Variants in GLT1D1 observed in about 807,000 individuals in gnomAD.
GLT1D1 encodes glycosyltransferase 1 domain-containing protein 1.
A neutral mutation model predicts 28.7 loss-of-function variants in GLT1D1; 21 were observed. That is an observed-to-expected ratio of 0.73 (90% confidence interval 0.52 to 1.05). The LOEUF is 1.05. Ranked by LOEUF, GLT1D1 falls within the 50% of genes least tolerant of loss-of-function variation. GLT1D1 has a pLI of 0.00. For missense variants in GLT1D1, 343 were observed against 330.6 expected, an observed-to-expected ratio of 1.04 and a Z score of -0.29; for synonymous variants, 147 against 124.8, an observed-to-expected ratio of 1.18 and a Z score of -1.19.
At chr12:128,950,333 T>C (rs1001245199) in intron 6 of GLT1D1, among the ~76,000 whole-genome samples, 4 of 152,176 alleles carry the variant, frequency 2.6e-5, no homozygotes, top group African/African-American at 9.7e-5. Context: ...AATCAATTCA[T>C]TGCATCAGAG....
At position 128,983,113 on chromosome 12, in the gene GLT1D1, T is replaced by A; in HGVS notation, c.*23T>A. 1 of 1,608,592 alleles carries A rather than the reference T, an allele frequency of 6.2e-7. No homozygotes were observed. The highest frequency in any genetic ancestry group is 8.5e-7 in the Non-Finnish European group (1 of 1,176,364). ...TGAGGGCCCCGCCTCATCAGACACC[T>A]GCTCTCTGACACACAGCTCTGGGTG... On this transcript the variant is annotated 3_prime_UTR_variant, in exon 8 of 8. Coordinates refer to ENST00000281703, the MANE Select transcript of GLT1D1 (RefSeq NM_144669.3). The surrounding 1 kb of genome is among the most constrained non-coding windows in gnomAD (Gnocchi z 4.7).
chr12:128,952,160 G>A (rs1184454504), intron 6 of GLT1D1, among the ~76,000 whole-genome samples: 1 of 152,052 alleles, frequency 6.6e-6, no homozygotes, highest in East Asian at 1.9e-4. Context: ...CGGAAAGAAG[G>A]ACTGGGAGAT....
intron 1 of GLT1D1, among the ~76,000 whole-genome samples, chr12:128,857,000 A>G (rs1022085014): frequency 2.0e-5 from 3 of 152,146 alleles, no homozygotes; most frequent in Admixed American, 2.0e-4. Flanking sequence ...ATGTTGAGTG[A>G]CCGAAGAACC....
intron 7 of GLT1D1, among the ~76,000 whole-genome samples, chr12:128,961,106 A>G (rs1294525569): frequency 2.6e-5 from 4 of 152,262 alleles, no homozygotes; most frequent in Non-Finnish European, 5.9e-5. Flanking sequence ...TATTCTTTTC[A>G]TTTTGTGAAT....
Position 128,926,237 on chromosome 12 carries a change from A to ATAATAATAAT in GLT1D1, c.376-19089_376-19088insTAATAATAAT, listed in dbSNP as rs1402574124. On this transcript the variant is annotated intron_variant, in intron 4 of 7. Coordinates refer to ENST00000281703, the MANE Select transcript of GLT1D1 (RefSeq NM_144669.3). The stretch of plus-strand genomic sequence containing the variant: ...AATAATAATAATAATAATAATAATA[A>ATAATAATAAT]GAGTAGGAGAAGCTGGCCTCGAAGT... 863 of 284,528 alleles carry ATAATAATAAT rather than the reference A, an allele frequency of 3.0e-3. 11 individuals carry two copies. The highest frequency in any genetic ancestry group is 0.019 in the African/African-American group (786 of 41,334). The allele number at this position is 284,528 out of a possible 1,614,324, so 17.6% of individuals were successfully genotyped here. A position where few individuals can be genotyped will look rare whatever the true frequency, so the allele number is the denominator to read the frequency against.
At chr12:128,945,129 A>G (rs544936911) in intron 4 of GLT1D1, 197 bp from the exon 9 acceptor site, 5 of 729,578 alleles carry the variant, frequency 6.9e-6, no homozygotes, top group Admixed American at 2.1e-5. Flanking sequence ...ATTGAGTGAT[A>G]CGCGACGACA....
In GLT1D1 at chr12:128,858,975, C is replaced by G. The variant is rs559790291; in HGVS notation, c.68+5326C>G. On this transcript the variant is annotated intron_variant, in intron 1 of 7. Transcript: ENST00000281703. ...TTGGAACTGCCCTTCCTCCCCGCAA[C>G]CCCCATGCTTTGAGTTGTCCTGCCT... Among the ~76,000 whole-genome samples the G allele has an allele frequency of 4.8e-4, 73 of 152,294 alleles. 1 individual carries two copies. The highest frequency in any genetic ancestry group is 9.3e-4 in the Non-Finnish European group (63 of 68,028).
chr12:128,928,016 A>AC (rs1566141126), intron 4 of GLT1D1, among the ~76,000 whole-genome samples: 1 of 149,754 alleles, frequency 6.7e-6, no homozygotes, highest in Non-Finnish European at 1.5e-5. Context: ...AAAAAAAAAA[A>AC]AAAAAAAAAC....
chr12:128,872,892 T>A (rs1268003473), intron 1 of GLT1D1, among the ~76,000 whole-genome samples: 1 of 152,174 alleles, frequency 6.6e-6, no homozygotes, highest in Non-Finnish European at 1.5e-5. Flanking sequence ...TCTTGCTCTC[T>A]GTTTCTTTCT....
At chr12:128,893,450 C>T (rs1199876741) in intron 3 of GLT1D1, among the ~76,000 whole-genome samples, 1 of 151,412 alleles carries the variant, frequency 6.6e-6, no homozygotes, top group Non-Finnish European at 1.5e-5. Context: ...ATATTTAAGC[C>T]CAAAGATTTT....
chr12:128,952,828 G>A (rs577911270), intron 6 of GLT1D1, among the ~76,000 whole-genome samples: 1 of 128,366 alleles, frequency 7.8e-6, no homozygotes, highest in Non-Finnish European at 1.6e-5. Flanking sequence ...ACCCAGGCTG[G>A]AGTGCAGTGG....
intron 4 of GLT1D1, among the ~76,000 whole-genome samples, chr12:128,920,093 G>T (rs1872533535): frequency 6.6e-6 from 1 of 151,526 alleles, no homozygotes; most frequent in South Asian, 2.1e-4. Flanking sequence ...TCTTCCTCAG[G>T]CTAGTCCTAG....
In GLT1D1 at chr12:128,982,912, T is replaced by C. The variant is rs371240067; in HGVS notation, c.640-17T>C. The C allele has an allele frequency of 5.0e-6, 8 of 1,613,002 alleles. No homozygotes were observed. The African/African-American group carries it at 8.0e-5, about 16-fold the overall frequency. On this transcript the variant is annotated splice_polypyrimidine_tract_variant and intron_variant, in intron 7 of 7. Transcript: ENST00000281703. ...TTCATCAGTGATTTATGTCTACTTC[T>C]CCTTCCTTTTTTGCAGGAGTTTGTT...
Position 128,931,917 on chromosome 12 carries a change from G to GCACGCACACACA in GLT1D1, c.376-13406_376-13405insGCACACACACAC, listed in dbSNP as rs1368012620. On this transcript the variant is annotated intron_variant, in intron 4 of 7. Transcript: ENST00000281703. ...TGAGGATATGTGCACACACACGCAC[G>GCACGCACACACA]CACACACACACACACACACACACAA... Among the ~76,000 whole-genome samples, 325 of 141,100 alleles carry GCACGCACACACA rather than the reference G, an allele frequency of 2.3e-3. 1 individual carries two copies. The highest frequency in any genetic ancestry group is 8.2e-3 in the African/African-American group (317 of 38,788). The allele number at this position is 141,100 out of a possible 152,430, so 92.6% of individuals were successfully genotyped here.
Position 128,853,629 on chromosome 12 carries a change from G to A in GLT1D1, c.48G>A (p.Ala16=), listed in dbSNP as rs1435789211. Residue 16 remains alanine, a synonymous_variant, in exon 1 of 8, where the codon GCG becomes GCA. Transcript: ENST00000281703. Reference sequence around the variant, plus strand: ...TGCTGCGGCCACACACCGGCAACGCGGTCACGGCCCAGCGCGTTCGGTAGG... The same window carrying A: ...TGCTGCGGCCACACACCGGCAACGCAGTCACGGCCCAGCGCGTTCGGTAGG... 1.7e-6 allele frequency: 2 copies of A among 1,179,298 alleles called. No individual in the cohort carries two copies. Among genetic ancestry groups the A allele is most frequent in the Non-Finnish European group, 2.1e-6 (2 of 943,192 alleles). The allele number at this position is 1,179,298 out of a possible 1,614,324, so 73.1% of individuals were successfully genotyped here.
At chr12:128,968,156 T>C (rs773470498) in intron 7 of GLT1D1, among the ~76,000 whole-genome samples, 7 of 151,878 alleles carry the variant, frequency 4.6e-5, no homozygotes, top group Non-Finnish European at 8.8e-5. Flanking sequence ...CCACCACACC[T>C]GGCTAATTTT....
intron 4 of GLT1D1, among the ~76,000 whole-genome samples, chr12:128,909,373 G>T (rs1488767892): frequency 1.3e-5 from 2 of 151,844 alleles, no homozygotes; most frequent in African/African-American, 4.8e-5. Flanking sequence ...GAAAAGAGTA[G>T]AGGGAGGAAA....
intron 7 of GLT1D1, among the ~76,000 whole-genome samples, chr12:128,960,221 G>C (rs1877795443): frequency 6.6e-6 from 1 of 152,150 alleles, no homozygotes; most frequent in Non-Finnish European, 1.5e-5. Context: ...TTTTATGTTG[G>C]GGGAGGCTGC....
chr12:128,906,725 T>A (rs1471434852), intron 4 of GLT1D1, among the ~76,000 whole-genome samples: 2 of 151,966 alleles, frequency 1.3e-5, no homozygotes, highest in Non-Finnish European at 1.5e-5. Flanking sequence ...CTTTTTTTTT[T>A]TTTCTTTTTT....
Sources: allele counts gnomAD v4.1 joint callset (sites outside exome capture counted in the v4.1 genomes callset), GRCh38; gene constraint gnomAD v4.1.1; non-coding constraint Gnocchi (gnomAD v3.1); transcripts MANE v1.5; gene names NCBI Gene and HGNC (gene_info 2026-07-23, HGNC 2026-07-21).